The following ANTXR1 variants were observed in gnomAD, a reference collection of about 807,000 sequenced individuals.
ANTXR1 encodes the protein anthrax toxin receptor 1.
A neutral mutation model predicts 78.1 loss-of-function variants in ANTXR1; 19 were observed. The ratio of observed to expected loss-of-function variants is 0.24; its 90% CI spans 0.17 to 0.36. ANTXR1 has a LOEUF of 0.36. Ranked by LOEUF, ANTXR1 falls within the 10% of genes least tolerant of loss-of-function variation. ANTXR1 has a pLI of 1.00. For missense variants in ANTXR1, 518 were observed against 718.6 expected, an observed-to-expected ratio of 0.72 and a Z score of 3.19; for synonymous variants, 273 against 260.5, an observed-to-expected ratio of 1.05 and a Z score of -0.46.
intron 12 of ANTXR1, among the ~76,000 whole-genome samples, chr2:69,136,379 T>C (rs958835819): frequency 6.6e-6 from 1 of 152,204 alleles, no homozygotes; most frequent in Non-Finnish European, 1.5e-5. Context: ...AAAGCAGTCA[T>C]GTACTGTAAG....
intron 10 of ANTXR1, chr2:69,103,216 C>A (rs1671684972): frequency 2.1e-6 from 1 of 470,842 alleles, no homozygotes; most frequent in Non-Finnish European, 3.9e-6. Context: ...AGCCACAAGC[C>A]CCAGCCCTGC....
intron 13 of ANTXR1, among the ~76,000 whole-genome samples, chr2:69,160,101 T>G (rs1180698935): frequency 6.6e-5 from 10 of 152,196 alleles, no homozygotes; most frequent in Non-Finnish European, 1.5e-4. Context: ...CTTGATCCTG[T>G]TCCAGCCTCC....
chr2:69,075,168 G>T (rs182771353), intron 6 of ANTXR1, among the ~76,000 whole-genome samples: 19 of 152,306 alleles, frequency 1.2e-4, no homozygotes, highest in Non-Finnish European at 1.2e-4. Context: ...ACACAATACA[G>T]AGTAAAGCCA....
Position 69,172,486 on chromosome 2 carries a change from C to G in ANTXR1, c.1089+2197C>G, listed in dbSNP as rs966049117. ...CTGAAAATCATAGTCTCAATCTAGA[C>G]AGTCTTTTCCTCTAGTTCCCTGTAT... On this transcript the variant is annotated intron_variant, in intron 14 of 17. Coordinates refer to ENST00000303714, the MANE Select transcript of ANTXR1 (RefSeq NM_032208.3). 4.0e-6 allele frequency: 6 copies of G among 1,497,294 alleles called. No individual in the cohort carries two copies. In the South Asian group the frequency reaches 4.1e-5, roughly 10 times the overall value. The allele number at this position is 1,497,294 out of a possible 1,614,324, so 92.8% of individuals were successfully genotyped here. A position where few individuals can be genotyped will look rare whatever the true frequency, so the allele number is the denominator to read the frequency against.
chr2:69,032,655 T>C (rs1671563141), intron 1 of ANTXR1, among the ~76,000 whole-genome samples: 1 of 152,200 alleles, frequency 6.6e-6, no homozygotes, highest in South Asian at 2.1e-4. Flanking sequence ...ACTAACCCAT[T>C]GTCTGTATTC....
intron 1 of ANTXR1, among the ~76,000 whole-genome samples, chr2:69,022,377 T>C (rs917357835): frequency 6.6e-6 from 1 of 152,246 alleles, no homozygotes; most frequent in African/African-American, 2.4e-5. Flanking sequence ...CTGGTCATTG[T>C]GATGACCAAT....
chr2:69,132,447 A>G (rs1003470035), intron 12 of ANTXR1, among the ~76,000 whole-genome samples: 2 of 152,244 alleles, frequency 1.3e-5, no homozygotes, highest in Non-Finnish European at 2.9e-5. Context: ...CTGGTTTTGT[A>G]GTCATTATGA....
rs527501360 is a variant in ANTXR1, at chr2:69,068,769, A to AG, written c.297-1873dup. On this transcript the variant is annotated intron_variant, in intron 3 of 17. Coordinates refer to ENST00000303714, the MANE Select transcript of ANTXR1 (RefSeq NM_032208.3). ...CAGCCTTATGGAGAAAGAATGGAAA[A>AG]GGGGGCAAGAGGCCATTCAAAAGAT... Among the ~76,000 whole-genome samples, 7 of 152,350 alleles carry AG rather than the reference A, an allele frequency of 4.6e-5. No individual in the cohort carries two copies. In the South Asian group the frequency reaches 1.5e-3, roughly 32 times the overall value.
intron 13 of ANTXR1, among the ~76,000 whole-genome samples, chr2:69,163,087 A>G (rs1673726963): frequency 6.6e-6 from 1 of 152,152 alleles, no homozygotes; most frequent in South Asian, 2.1e-4. Context: ...ATGGCTCTTT[A>G]CCTTGATTTT....
intron 17 of ANTXR1, among the ~76,000 whole-genome samples, chr2:69,244,514 A>G (rs1675967747): frequency 6.6e-6 from 1 of 152,200 alleles, no homozygotes; most frequent in Admixed American, 6.5e-5. Flanking sequence ...AGCTGTATTG[A>G]TCACATCAGT....
chr2:69,139,300 C>G (rs1270807200), intron 12 of ANTXR1, among the ~76,000 whole-genome samples: 2 of 152,238 alleles, frequency 1.3e-5, no homozygotes, highest in Non-Finnish European at 2.9e-5. Context: ...AGCCTCCTAA[C>G]TCCCTCTGCT....
At chr2:69,152,106 TGGGGAGG>T in intron 12 of ANTXR1, 56 bp from the exon 13 acceptor site, 1 of 1,503,114 alleles carries the variant, frequency 6.7e-7, no homozygotes. Context: ...GATGGGAGTT[TGGGGAGG>T]GAAGATCACA....
At chr2:69,109,713 A>C (rs1217389324) in intron 10 of ANTXR1, among the ~76,000 whole-genome samples, 1 of 152,220 alleles carries the variant, frequency 6.6e-6, no homozygotes, top group African/African-American at 2.4e-5. Flanking sequence ...ATGAAGGAAA[A>C]CTTTTAATGG....
chr2:69,037,431 T>C (rs1435685885), intron 1 of ANTXR1, among the ~76,000 whole-genome samples: 1 of 152,096 alleles, frequency 6.6e-6, no homozygotes, highest in East Asian at 1.9e-4. Flanking sequence ...CCTGTCTGTG[T>C]TGGTTAAAAG....
At chr2:69,196,910 C>T (rs2104480296) in intron 17 of ANTXR1, among the ~76,000 whole-genome samples, 1 of 152,310 alleles carries the variant, frequency 6.6e-6, no homozygotes, top group Admixed American at 6.5e-5. Context: ...CAGACACAAG[C>T]CCACCAACAG....
At chr2:69,162,164 G>T (rs1673699011) in intron 13 of ANTXR1, among the ~76,000 whole-genome samples, 1 of 152,178 alleles carries the variant, frequency 6.6e-6, no homozygotes, top group Non-Finnish European at 1.5e-5. Flanking sequence ...TGTTTCCAGG[G>T]CCCAAATAAA....
chr2:69,229,832 T>A (rs1031513446), intron 17 of ANTXR1, among the ~76,000 whole-genome samples: 1 of 152,020 alleles, frequency 6.6e-6, no homozygotes, highest in Non-Finnish European at 1.5e-5. Context: ...TTTGGAGAAG[T>A]AATTGCTACA....
At chr2:69,075,718 T>C (rs1193983417) in intron 7 of ANTXR1, 60 bp downstream of exon 7, 2 of 1,477,634 alleles carry the variant, frequency 1.4e-6, no homozygotes, top group African/African-American at 1.4e-5. Flanking sequence ...ATGAAGAACA[T>C]GTTCAGTCAG....
At chr2:69,187,023 G>A (rs1674433567) in intron 16 of ANTXR1, among the ~76,000 whole-genome samples, 1 of 152,220 alleles carries the variant, frequency 6.6e-6, no homozygotes, top group Non-Finnish European at 1.5e-5. Flanking sequence ...AAGACTCATG[G>A]CTCCCCAGTG....
Sources: allele counts gnomAD v4.1 joint callset (sites outside exome capture counted in the v4.1 genomes callset), GRCh38; gene constraint gnomAD v4.1.1; transcripts MANE v1.5; gene names NCBI Gene and HGNC (gene_info 2026-07-23, HGNC 2026-07-21).